DICER1: variants seen among roughly 807,000 people sequenced by gnomAD.
The protein encoded by DICER1 is dicer 1, ribonuclease III, also known as endoribonuclease Dicer.
In DICER1, 43 loss-of-function variants were observed where a neutral mutation model predicts 194.1. The observed-to-expected ratio is 0.22, with a 90% CI of 0.17 to 0.29. The LOEUF (loss-of-function observed/expected upper bound fraction) is 0.29. Ranked by LOEUF, DICER1 falls within the 10% of genes least tolerant of loss-of-function variation. The probability of loss-of-function intolerance (pLI) is 1.00; values close to 1 mark genes in which losing one functional copy is unlikely to be tolerated. For missense variants in DICER1, 1,608 were observed against 2,317.0 expected, an observed-to-expected ratio of 0.69 and a Z score of 6.28; for synonymous variants, 832 against 820.5, an observed-to-expected ratio of 1.01 and a Z score of -0.24.
At chr14:95,107,395 C>T (rs914769399) in intron 17 of DICER1, among the ~76,000 whole-genome samples, 13 of 151,942 alleles carry the variant, frequency 8.6e-5, no homozygotes, top group East Asian at 3.9e-4. Context: ...GGACTACAGG[C>T]GTGCACCACC....
chr14:95,147,221 T>C (rs1315792002), intron 1 of DICER1, among the ~76,000 whole-genome samples: 1 of 152,144 alleles, frequency 6.6e-6, no homozygotes, highest in East Asian at 1.9e-4. Context: ...TCCCAGCAAT[T>C]TGGGAGGCCA....
chr14:95,138,994 T>TAAAAAAAAAAAAAAAAAAA (rs67050539), intron 1 of DICER1, among the ~76,000 whole-genome samples: 1 of 135,964 alleles, frequency 7.4e-6, no homozygotes, highest in African/African-American at 2.6e-5. Flanking sequence ...AATAAAAAAA[T>TAAAAAAAAAAAAAAAAAAA]AAAAAAAAAA....
intron 1 of DICER1, among the ~76,000 whole-genome samples, chr14:95,156,213 C>G (rs1467901419): frequency 2.0e-5 from 3 of 152,206 alleles, no homozygotes; most frequent in Non-Finnish European, 4.4e-5. Context: ...TGTTTGAAAA[C>G]AAGCACCACG....
At chr14:95,138,356 C>A (rs1157632522) in intron 1 of DICER1, among the ~76,000 whole-genome samples, 1 of 150,876 alleles carries the variant, frequency 6.6e-6, no homozygotes, top group Admixed American at 6.6e-5. Flanking sequence ...TGAAAGGTTA[C>A]ATTTATCAAC....
rs754081635 is a variant in DICER1 at position 95,113,166 on chromosome 14, G to A, written c.1966C>T (p.Arg656Ter). 1 of 1,613,438 alleles carries A rather than the reference G, an allele frequency of 6.2e-7. No homozygotes were observed. Among genetic ancestry groups the A allele is most frequent in the South Asian group, 1.1e-5 (1 of 91,066 alleles). ...FTHLAPKCRTRELPDGTFYST... is the reference protein window; with the variant it reads ...FTHLAPKCRT The stretch of plus-strand genomic sequence containing the variant: ...TAAAATGTACCATCAGGCAACTCTC[G>A]GGTTCTGCATTTAGGAGCTAGATGA... Residue 656 changes from arginine to a stop codon, truncating the protein, a stop_gained, in exon 12 of 27, where the codon CGA becomes TGA. Coordinates refer to ENST00000343455, the MANE Select transcript of DICER1 (RefSeq NM_177438.3). LOFTEE classifies it high-confidence loss of function.
chr14:95,102,790 C>A (rs553933543), intron 21 of DICER1, among the ~76,000 whole-genome samples: 1 of 152,112 alleles, frequency 6.6e-6, no homozygotes, highest in Non-Finnish European at 1.5e-5. Context: ...AGCTATCGAG[C>A]GTTAATTACT....
At chr14:95,122,923 C>T (rs977965073) in intron 8 of DICER1, among the ~76,000 whole-genome samples, 3 of 151,412 alleles carry the variant, frequency 2.0e-5, no homozygotes, top group Non-Finnish European at 2.9e-5. Context: ...AGCGCGTGTG[C>T]GCGTGCGTGT....
intron 1 of DICER1, among the ~76,000 whole-genome samples, chr14:95,141,342 A>C (rs1894816078): frequency 6.6e-6 from 1 of 152,238 alleles, no homozygotes; most frequent in Admixed American, 6.5e-5. Context: ...GTCGGGCATA[A>C]ATTTAAATTT....
intron 8 of DICER1, among the ~76,000 whole-genome samples, chr14:95,120,835 A>G (rs1446763583): frequency 6.6e-6 from 1 of 152,238 alleles, no homozygotes; most frequent in Non-Finnish European, 1.5e-5. Flanking sequence ...AGAATTCCAA[A>G]TACATATAGA....
intron 24 of DICER1, among the ~76,000 whole-genome samples, chr14:95,092,933 G>C (rs1335299832): frequency 6.6e-6 from 1 of 152,216 alleles, no homozygotes; most frequent in African/African-American, 2.4e-5. Context: ...TCTTGGACAA[G>C]AGCACAGAGG....
At chr14:95,137,520 G>A (rs1894496576) in intron 1 of DICER1, among the ~76,000 whole-genome samples, 1 of 148,010 alleles carries the variant, frequency 6.8e-6, no homozygotes, top group Non-Finnish European at 1.5e-5. Context: ...GGAAGGAAAA[G>A]GGAAAGGGGA....
intron 20 of DICER1, among the ~76,000 whole-genome samples, 164 bp from the exon 21 acceptor site, chr14:95,104,290 A>G (rs1199636497): frequency 1.3e-5 from 2 of 152,220 alleles, no homozygotes; most frequent in African/African-American, 2.4e-5. Context: ...TGTAAATTAT[A>G]AAGTGGGACA....
rs773182274 is a variant in DICER1 at position 95,105,261 on chromosome 14, A to G, written c.3094-15T>C. ...GGAACCAGTATCTTCAAGTAAGGGG[A>G]AAAATGGACAGATAAATACAAAGCG... On this transcript the variant is annotated splice_polypyrimidine_tract_variant and intron_variant, in intron 19 of 26. Transcript: ENST00000343455. The surrounding 1 kb of genome is among the most constrained non-coding windows in gnomAD (Gnocchi z 4.9). 6.2e-7 allele frequency: 1 copy of G among 1,608,072 alleles called. No individual in the cohort carries two copies. Among genetic ancestry groups the G allele is most frequent in the Non-Finnish European group, 8.5e-7 (1 of 1,174,568 alleles).
chr14:95,117,482 T>C (rs1892576637), intron 9 of DICER1, 140 bp downstream of exon 9: 5 of 887,950 alleles, frequency 5.6e-6, no homozygotes, highest in Non-Finnish European at 8.9e-6. Context: ...GGACAGCTGG[T>C]CTAATATATG....
At position 95,112,134 on chromosome 14, in the gene DICER1, T is replaced by C. The variant is rs1470166749; in HGVS notation, c.2116+38A>G. 3.8e-6 allele frequency: 6 copies of C among 1,569,738 alleles called. No individual in the cohort carries two copies. The African/African-American group carries it at 5.4e-5, about 14-fold the overall frequency. ...TGCTTTTTTTTTACAATGGTTGCAA[T>C]TTATTTTCATTCGTATATGCTTTTC... On this transcript the variant is annotated intron_variant, in intron 13 of 26. Transcript: ENST00000343455.
chr14:95,121,547 G>A (rs1338060323), intron 8 of DICER1, among the ~76,000 whole-genome samples: 1 of 151,982 alleles, frequency 6.6e-6, no homozygotes, highest in Non-Finnish European at 1.5e-5. Context: ...AAAGTTATTA[G>A]GAAAAAAAGG....
intron 11 of DICER1, among the ~76,000 whole-genome samples, chr14:95,114,041 T>C (rs1005220674): frequency 6.6e-6 from 1 of 152,124 alleles, no homozygotes; most frequent in Admixed American, 6.5e-5. Flanking sequence ...AATAGAGATA[T>C]CAACAGATAG....
chr14:95,156,494 G>A (rs970389965), intron 1 of DICER1, among the ~76,000 whole-genome samples: 2 of 152,172 alleles, frequency 1.3e-5, no homozygotes, highest in Admixed American at 6.5e-5. Flanking sequence ...TGGTTTGCTG[G>A]CTCTGACCTC....
chr14:95,095,300 G>A (rs1372849946), intron 23 of DICER1: 1 of 175,206 alleles, frequency 5.7e-6, no homozygotes, highest in Non-Finnish European at 1.2e-5. Flanking sequence ...AGAGCACAGT[G>A]AGAAGTAGAA....
Sources: allele counts gnomAD v4.1 joint callset (sites outside exome capture counted in the v4.1 genomes callset), GRCh38; gene constraint gnomAD v4.1.1; non-coding constraint Gnocchi (gnomAD v3.1); transcripts MANE v1.5; gene names NCBI Gene and HGNC (gene_info 2026-07-23, HGNC 2026-07-21).